The following ASTN2 variants were observed in gnomAD, a reference collection of about 807,000 sequenced individuals.
ASTN2 encodes astrotactin 2.
A neutral mutation model predicts 139.8 loss-of-function variants in ASTN2; 54 were observed. The observed-to-expected ratio is 0.39, with a 90% CI of 0.31 to 0.48. The LOEUF (loss-of-function observed/expected upper bound fraction) is 0.48. ASTN2 is among the 20% of genes least tolerant of loss of function. ASTN2 has a pLI of 0.95. For missense variants in ASTN2, 1,565 were observed against 1,725.1 expected (o/e 0.91, Z 1.64); for synonymous variants, 756 against 719.5 (o/e 1.05, Z -0.81).
chr9:117,033,442 C>T (rs1304233650), intron 6 of ASTN2, among the ~76,000 whole-genome samples: 1 of 145,344 alleles, frequency 6.9e-6, no homozygotes, highest in Non-Finnish European at 1.5e-5. Context: ...TTATTCTTAG[C>T]AATAACTTTA....
At chr9:116,453,036 C>G (rs1342776994) in intron 20 of ASTN2, among the ~76,000 whole-genome samples, 1 of 152,124 alleles carries the variant, frequency 6.6e-6, no homozygotes, top group East Asian at 1.9e-4. Context: ...TTACTCTTGG[C>G]CATTAAGTTA....
intron 19 of ASTN2, among the ~76,000 whole-genome samples, chr9:116,565,295 T>G (rs1276227008): frequency 7.0e-6 from 1 of 143,790 alleles, no homozygotes; most frequent in African/African-American, 2.6e-5. Flanking sequence ...AGTAAACAAA[T>G]ACATTCAGGA....
chr9:116,560,331 C>T (rs1852840853), intron 19 of ASTN2, among the ~76,000 whole-genome samples: 1 of 152,134 alleles, frequency 6.6e-6, no homozygotes, highest in Non-Finnish European at 1.5e-5. Flanking sequence ...CTGGTAACTG[C>T]GGAGGCAGTG....
At chr9:116,609,737 A>G (rs1855433443) in intron 19 of ASTN2, among the ~76,000 whole-genome samples, 1 of 152,034 alleles carries the variant, frequency 6.6e-6, no homozygotes, top group African/African-American at 2.4e-5. Context: ...CGAAAAAATA[A>G]TTAAGAAAAA....
intron 20 of ASTN2, among the ~76,000 whole-genome samples, chr9:116,459,753 A>G (rs889701280): frequency 2.6e-5 from 4 of 152,082 alleles, no homozygotes; most frequent in Non-Finnish European, 4.4e-5. Flanking sequence ...ACAAAATAGC[A>G]AGTGTTAGCA....
At chr9:116,991,448 T>A (rs897262868) in intron 7 of ASTN2, among the ~76,000 whole-genome samples, 2 of 152,182 alleles carry the variant, frequency 1.3e-5, no homozygotes, top group Admixed American at 6.5e-5. Flanking sequence ...ATTGCCAGCA[T>A]TGGGGGGTTC....
intron 13 of ASTN2, among the ~76,000 whole-genome samples, chr9:116,796,146 T>A (rs1830681424): frequency 6.6e-6 from 1 of 152,170 alleles, no homozygotes. Flanking sequence ...CATTTAATTA[T>A]CTCAACACCA....
intron 2 of ASTN2, among the ~76,000 whole-genome samples, chr9:117,235,384 A>G (rs1445509697): frequency 5.9e-5 from 9 of 152,186 alleles, no homozygotes; most frequent in African/African-American, 1.4e-4. Context: ...TAACATACCC[A>G]TTTTGCAGAT....
In ASTN2 at chr9:117,060,415, AAAGG is replaced by A. The variant is rs796987048; in HGVS notation, c.1277-20454_1277-20451del. ...GAAAGAAAGAAAGAAAGAAAGAAGG[AAAGG>A]AAGGAAGGAAGGAAGAGAGAGAGAG... On this transcript the variant is annotated intron_variant, in intron 5 of 22. Coordinates refer to ENST00000313400, the MANE Select transcript of ASTN2 (RefSeq NM_001365068.1). 5.3e-4 allele frequency among the ~76,000 whole-genome samples: 16 copies of A among 30,254 alleles called. No homozygotes were observed. The South Asian group carries it at 9.5e-3, about 18-fold the overall frequency. The allele number at this position is 30,254 out of a possible 152,430, so 19.8% of individuals were successfully genotyped here.
rs1281980129 is a variant in ASTN2, at chr9:117,068,551, T to C, written c.1276+27493A>G. Among the ~76,000 whole-genome samples, 5 of 116,214 alleles carry C rather than the reference T, an allele frequency of 4.3e-5. 2 individuals are homozygous for C. The highest frequency in any genetic ancestry group is 7.4e-5 in the Non-Finnish European group (4 of 54,350). The allele number at this position is 116,214 out of a possible 152,430, so 76.2% of individuals were successfully genotyped here. A position where few individuals can be genotyped will look rare whatever the true frequency, so the allele number is the denominator to read the frequency against. Reference sequence around the variant, plus strand: ...ATGCGTTAGGGAGGATTCCCTCTTTTTCTATTGATTGGAATAGTTTCAGAA... The same window carrying C: ...ATGCGTTAGGGAGGATTCCCTCTTTCTCTATTGATTGGAATAGTTTCAGAA... On this transcript the variant is annotated intron_variant, in intron 5 of 22. Coordinates refer to ENST00000313400, the MANE Select transcript of ASTN2 (RefSeq NM_001365068.1).
At chr9:116,478,991 CAAAAAAAAAAAAAAAAA>C (rs34860380) in intron 20 of ASTN2, among the ~76,000 whole-genome samples, 1 of 61,006 alleles carries the variant, frequency 1.6e-5, no homozygotes, top group East Asian at 5.0e-4. Context: ...GACTGTGCCT[CAAAAAAAAAAAAAAAAA>C]AAAAAAAAAA....
chr9:116,598,849 T>TAGG lies in ASTN2; in HGVS notation c.3355+19472_3355+19474dup, dbSNP rs542262052. Reference sequence around the variant, plus strand: ...AGAGGTGAAGATACCTTCACAGAGCTAGGAGTCTTGTGGGGCACACATGAA... The same window carrying TAGG: ...AGAGGTGAAGATACCTTCACAGAGCTAGGAGGAGTCTTGTGGGGCACACATGAA... On this transcript the variant is annotated intron_variant, in intron 19 of 22. Transcript: ENST00000313400. Among the ~76,000 whole-genome samples, 144 of 152,332 alleles carry TAGG rather than the reference T, an allele frequency of 9.5e-4. 1 individual carries two copies. The highest frequency in any genetic ancestry group is 3.4e-3 in the Middle Eastern group (1 of 294).
chr9:116,777,768 A>C (rs1021389281), intron 13 of ASTN2, among the ~76,000 whole-genome samples: 1 of 152,168 alleles, frequency 6.6e-6, no homozygotes, highest in Non-Finnish European at 1.5e-5. Context: ...TCACCTGAAA[A>C]TCTTTTTAAA....
At chr9:116,641,368 C>CTATT in intron 17 of ASTN2, among the ~76,000 whole-genome samples, 1 of 152,244 alleles carries the variant, frequency 6.6e-6, no homozygotes, top group Non-Finnish European at 1.5e-5. Flanking sequence ...AGGTCAAATC[C>CTATT]TGGCTCTACA....
chr9:116,860,509 G>C (rs1804703880), intron 11 of ASTN2, among the ~76,000 whole-genome samples: 1 of 152,190 alleles, frequency 6.6e-6, no homozygotes, highest in Non-Finnish European at 1.5e-5. Context: ...AGAAACTGAT[G>C]CTAATGAAGT....
At chr9:117,405,852 C>A (rs1347787182) in intron 1 of ASTN2, among the ~76,000 whole-genome samples, 1 of 152,218 alleles carries the variant, frequency 6.6e-6, no homozygotes, top group African/African-American at 2.4e-5. Flanking sequence ...TCTCCAAACA[C>A]AATGATCTTT....
At chr9:116,663,863 T>A (rs529554006) in intron 16 of ASTN2, among the ~76,000 whole-genome samples, 1 of 152,180 alleles carries the variant, frequency 6.6e-6, no homozygotes, top group African/African-American at 2.4e-5. Context: ...TGGAAGCTCA[T>A]GGAGGGAAAA....
rs372277811 is a variant in ASTN2 at position 117,048,963 on chromosome 9, C to CTTTTTTTTTTTTTTTTTT, written c.1277-8999_1277-8998insAAAAAAAAAAAAAAAAAA. Among the ~76,000 whole-genome samples, 238 of 88,996 alleles carry CTTTTTTTTTTTTTTTTTT rather than the reference C, an allele frequency of 2.7e-3. 44 individuals are homozygous for CTTTTTTTTTTTTTTTTTT. Among genetic ancestry groups the CTTTTTTTTTTTTTTTTTT allele is most frequent in the East Asian group, 4.0e-3 (11 of 2,782 alleles). The allele number at this position is 88,996 out of a possible 152,430, so 58.4% of individuals were successfully genotyped here. On this transcript the variant is annotated intron_variant, in intron 5 of 22. Coordinates refer to ENST00000313400, the MANE Select transcript of ASTN2 (RefSeq NM_001365068.1). Reference sequence around the variant, plus strand: ...GTGCGCTCTGATTCTTCATCCATTGCTTTTTTTTTTTTTTTTTGAGACGGA... The same window carrying CTTTTTTTTTTTTTTTTTT: ...GTGCGCTCTGATTCTTCATCCATTGCTTTTTTTTTTTTTTTTTTTTTTTTTTTTTTTTTTTGAGACGGA...
intron 1 of ASTN2, among the ~76,000 whole-genome samples, chr9:117,302,308 T>C (rs1455994185): frequency 6.6e-6 from 1 of 152,108 alleles, no homozygotes; most frequent in African/African-American, 2.4e-5. Flanking sequence ...CAATGATCTA[T>C]CCCACCCATT....
Sources: gnomAD v4.1 joint callset for allele counts (sites outside exome capture counted in the v4.1 genomes callset) on GRCh38, gnomAD v4.1.1 for gene constraint, MANE v1.5 for transcripts, NCBI Gene and HGNC (gene_info 2026-07-23, HGNC 2026-07-21) for gene names.